UBE3B: variants seen among roughly 807,000 people sequenced by gnomAD.
UBE3B encodes ubiquitin-protein ligase E3B.
Under a neutral mutation model 132.3 loss-of-function variants are expected in UBE3B, and 80 were observed. That is an observed-to-expected ratio of 0.60 (90% CI 0.50 to 0.73). The LOEUF is 0.73. Among genes scored for constraint, UBE3B ranks in the 30% least tolerant of loss-of-function variants. The pLI, the probability that UBE3B is intolerant of heterozygous loss-of-function variation, is 0.00. For missense variants in UBE3B, 1,196 were observed against 1,362.5 expected (o/e 0.88, Z 1.92); for synonymous variants, 487 against 520.4 (o/e 0.94, Z 0.87).
At chr12:109,500,854 A>G (rs922596899) in intron 12 of UBE3B, among the ~76,000 whole-genome samples, 1 of 152,214 alleles carries the variant, frequency 6.6e-6, no homozygotes, top group African/African-American at 2.4e-5. Context: ...GGCGGCTATT[A>G]ACAATATGAT....
chr12:109,521,094 T>C lies in UBE3B; in HGVS notation c.2077-54T>C. On this transcript the variant is annotated intron_variant, in intron 19 of 27. Transcript: ENST00000342494. The surrounding 1 kb of genome is among the most constrained non-coding windows in gnomAD (Gnocchi z 4.2). ...CGCACAGAGGAGAGGGAACCCCGAA[T>C]TGTGTGCATAAGGCTTTGGGCTTCC... 1 of 1,590,636 alleles carries C rather than the reference T, an allele frequency of 6.3e-7. No homozygotes were observed. The highest frequency in any genetic ancestry group is 1.1e-5 in the South Asian group (1 of 89,806).
Position 109,521,144 on chromosome 12 carries a change from G to C in UBE3B, c.2077-4G>C. 1.2e-6 allele frequency: 2 copies of C among 1,613,952 alleles called. 1 individual carries two copies. The highest frequency in any genetic ancestry group is 2.2e-5 in the South Asian group (2 of 91,062). ...CTAATGGGCTGTAATTCTGCTCTTGGCAGGACGGCTACGAGCAGCTTAGGC... is the reference window on the plus strand; with the variant it reads ...CTAATGGGCTGTAATTCTGCTCTTGCCAGGACGGCTACGAGCAGCTTAGGC... On this transcript the variant is annotated splice_region_variant and splice_polypyrimidine_tract_variant and intron_variant, in intron 19 of 27. Coordinates refer to ENST00000342494, the MANE Select transcript of UBE3B (RefSeq NM_130466.4). This position sits in a 1 kb window ranked among gnomAD's most constrained non-coding sequence, Gnocchi z 4.2.
At chr12:109,528,267 T>A (rs1215498419) in intron 24 of UBE3B, 2 of 885,514 alleles carry the variant, frequency 2.3e-6, no homozygotes, top group Non-Finnish European at 2.7e-6. Flanking sequence ...TCTTCTCTCG[T>A]ATCTCCCTCT....
In UBE3B at chr12:109,510,413, G is replaced by C. The variant is rs369410122; in HGVS notation, c.1811G>C (p.Arg604Pro). The change falls in exon 17 of 28, where the codon CGG (arginine) becomes CCG (proline). Residue 604 changes from arginine to proline, a missense_variant. By Grantham distance (103) the Arg-to-Pro change is moderately radical. Coordinates refer to ENST00000342494, the MANE Select transcript of UBE3B (RefSeq NM_130466.4). ...VHGWLMVLYE[R>P]DCRRRFTPED... ...GGGTGGCTTATGGTGCTGTACGAGC[G>C]GGACTGCCGGCGGCGCTTCACCCCC... 6.2e-7 allele frequency: 1 copy of C among 1,613,044 alleles called. No individual in the cohort carries two copies. Among genetic ancestry groups the C allele is most frequent in the Non-Finnish European group, 8.5e-7 (1 of 1,179,702 alleles).
intron 19 of UBE3B, chr12:109,517,825 C>G: frequency 3.0e-6 from 1 of 335,762 alleles, no homozygotes. Flanking sequence ...CCCCCACCAG[C>G]AGATGGCTTC....
rs1051366196 is a variant in UBE3B, at chr12:109,534,346, T to C, written c.3016-245T>C. 4.2e-6 allele frequency: 6 copies of C among 1,412,388 alleles called. No homozygotes were observed. In the African/African-American group the frequency reaches 7.2e-5, roughly 17 times the overall value. 87.5% of individuals were successfully genotyped at this position (1,412,388 alleles called of 1,614,324 possible). ...TCGCTGTGAACCGGAAGGCCCCATT[T>C]CCAAAAGCTTACTTAGTGCAGGAAT... On this transcript the variant is annotated intron_variant, in intron 27 of 27. Transcript: ENST00000342494. This position sits in a 1 kb window ranked among gnomAD's most constrained non-coding sequence, Gnocchi z 5.2.
Position 109,501,523 on chromosome 12 carries a change from T to A in UBE3B, c.1271T>A (p.Leu424His). The A allele has an allele frequency of 6.2e-7, 1 of 1,613,660 alleles. No individual in the cohort carries two copies. The highest frequency in any genetic ancestry group is 8.5e-7 in the Non-Finnish European group (1 of 1,179,816). Residue 424 changes from leucine to histidine, a missense_variant, in exon 13 of 28, where the codon CTC becomes CAC. Leu to His is a moderately conservative substitution (Grantham distance 99). Transcript: ENST00000342494. Reference sequence around the variant, plus strand: ...CAGCCAGCATCCCCTCAGAATGTGCTCCCAGTGAAGAGTGAGTGACGGGAG... The same window carrying A: ...CAGCCAGCATCCCCTCAGAATGTGCACCCAGTGAAGAGTGAGTGACGGGAG... ...HAQPASPQNV[L>H]PVKSLLKRAF...
chr12:109,495,927 G>T (rs1287599273), intron 9 of UBE3B, among the ~76,000 whole-genome samples: 1 of 152,250 alleles, frequency 6.6e-6, no homozygotes, highest in Non-Finnish European at 1.5e-5. Flanking sequence ...TCACAATGCT[G>T]CAGAGATTTT....
chr12:109,528,525 A>G (rs1266146094), intron 24 of UBE3B: 2 of 983,268 alleles, frequency 2.0e-6, no homozygotes, highest in Admixed American at 6.1e-5. Flanking sequence ...GGTGAGAGTC[A>G]TACGTGGGCC....
rs768561722 is a variant in UBE3B at position 109,509,705 on chromosome 12, G to A, written c.1732G>A (p.Gly578Arg). The A allele has an allele frequency of 6.2e-7, 1 of 1,600,610 alleles. No homozygotes were observed. The highest frequency in any genetic ancestry group is 1.1e-5 in the South Asian group (1 of 88,070). Residue 578 changes from glycine to arginine, a missense_variant, in exon 16 of 28, where the codon GGA becomes AGA. Coordinates refer to ENST00000342494, the MANE Select transcript of UBE3B (RefSeq NM_130466.4). ...TTTTGTGTTTAAGATGATCTGGGAT[G>A]GAATTGTAGGTAAGAGAAAAGGTGT... ...NSFVFKMIWD[G>R]IVENAKGETL...
downstream of UBE3B, among the ~76,000 whole-genome samples, chr12:109,540,632 G>T (rs1475911979): frequency 6.6e-6 from 1 of 152,234 alleles, no homozygotes; most frequent in Admixed American, 6.5e-5. Flanking sequence ...ATGGCACATG[G>T]ATGTTTAAAA....
At chr12:109,499,193 C>T (rs996842223) in intron 11 of UBE3B, among the ~76,000 whole-genome samples, 1 of 152,080 alleles carries the variant, frequency 6.6e-6, no homozygotes, top group African/African-American at 2.4e-5. Flanking sequence ...TGAATAACAG[C>T]GACTTCCCAC....
At chr12:109,519,369 A>G (rs1268888887) in intron 19 of UBE3B, among the ~76,000 whole-genome samples, 1 of 152,212 alleles carries the variant, frequency 6.6e-6, no homozygotes, top group African/African-American at 2.4e-5. Context: ...CAGTTCCCAG[A>G]AGGCAGGAAA....
At chr12:109,539,369 G>T (rs1168008175), downstream of UBE3B, among the ~76,000 whole-genome samples, 3 of 152,248 alleles carry the variant, frequency 2.0e-5, no homozygotes, top group African/African-American at 7.2e-5. Flanking sequence ...TGTTACACTT[G>T]TTGAGAGCAT....
chr12:109,478,823 G>A (rs1874814384), intron 1 of UBE3B, among the ~76,000 whole-genome samples: 1 of 152,238 alleles, frequency 6.6e-6, no homozygotes, highest in South Asian at 2.1e-4. Context: ...CTGTTGAAAA[G>A]ACAAGTTGGT....
chr12:109,510,516 C>T (rs573218566), intron 17 of UBE3B, 58 bp downstream of exon 17: 25 of 1,372,024 alleles, frequency 1.8e-5, no homozygotes, highest in Admixed American at 1.1e-4. Flanking sequence ...GCACGCTGCC[C>T]GAGCACTCAG....
intron 19 of UBE3B, among the ~76,000 whole-genome samples, chr12:109,518,297 A>G (rs1404812868): frequency 6.6e-6 from 1 of 152,102 alleles, no homozygotes; most frequent in Admixed American, 6.6e-5. Context: ...GGCCACCGCC[A>G]CTCAGCTCCT....
intron 12 of UBE3B, among the ~76,000 whole-genome samples, chr12:109,500,138 C>T (rs995760990): frequency 6.6e-6 from 1 of 152,100 alleles, no homozygotes; most frequent in African/African-American, 2.4e-5. Flanking sequence ...TCTTCACTGT[C>T]ACTTTTTGAC....
At chr12:109,539,593 G>A (rs1883565388), downstream of UBE3B, among the ~76,000 whole-genome samples, 1 of 152,228 alleles carries the variant, frequency 6.6e-6, no homozygotes, top group African/African-American at 2.4e-5. Flanking sequence ...GAACCACAGA[G>A]AAATGGGCTG....
Sources: allele counts gnomAD v4.1 joint callset (sites outside exome capture counted in the v4.1 genomes callset), GRCh38; gene constraint gnomAD v4.1.1; non-coding constraint Gnocchi (gnomAD v3.1); transcripts MANE v1.5; gene names NCBI Gene and HGNC (gene_info 2026-07-23, HGNC 2026-07-21).